Variants in ALDH1A1 observed in about 807,000 individuals in gnomAD.
ALDH1A1 encodes the protein aldehyde dehydrogenase 1 family member A1.
ALDH1A1 carries 19 observed loss-of-function variants against 62.1 expected under a neutral mutation model. That is an observed-to-expected ratio of 0.31 (90% CI 0.21 to 0.45). The LOEUF is 0.45. Ranked by LOEUF, ALDH1A1 falls within the 20% of genes least tolerant of loss-of-function variation. The pLI, the probability that ALDH1A1 is intolerant of heterozygous loss-of-function variation, is 1.00. For missense variants in ALDH1A1, 521 were observed against 607.1 expected, an observed-to-expected ratio of 0.86 and a Z score of 1.49; for synonymous variants, 231 against 215.9, an observed-to-expected ratio of 1.07 and a Z score of -0.61.
At chr9:72,933,632 A>AC (rs386415097) in intron 2 of ALDH1A1, among the ~76,000 whole-genome samples, 33 of 878 alleles carry the variant, frequency 0.038, no homozygotes, top group South Asian at 0.5. Flanking sequence ...AAGACAAAAG[A>AC]AAAAAGAAAT....
At chr9:72,921,244 A>G (rs1287394117) in intron 7 of ALDH1A1, among the ~76,000 whole-genome samples, 2 of 150,984 alleles carry the variant, frequency 1.3e-5, no homozygotes, top group Admixed American at 6.6e-5. Flanking sequence ...TCCTCTCAAA[A>G]AAAAAAAAAA....
At chr9:72,914,340 T>G (rs568452839) in intron 9 of ALDH1A1, among the ~76,000 whole-genome samples, 1 of 152,318 alleles carries the variant, frequency 6.6e-6, no homozygotes, top group Non-Finnish European at 1.5e-5. Context: ...AATTTTTATT[T>G]ATTTACTAGA....
chr9:72,944,727 A>G (rs959707042), intron 1 of ALDH1A1, among the ~76,000 whole-genome samples: 4 of 152,112 alleles, frequency 2.6e-5, no homozygotes, highest in Non-Finnish European at 4.4e-5. Context: ...AAAAGAGATG[A>G]TACTATAAAA....
chr9:72,914,431 T>C (rs1369958371), intron 9 of ALDH1A1, among the ~76,000 whole-genome samples: 1 of 152,158 alleles, frequency 6.6e-6, no homozygotes, highest in Non-Finnish European at 1.5e-5. Context: ...TTCTTCAAGA[T>C]TGAGGTTTCT....
chr9:72,908,154 T>G (rs1194587052), intron 11 of ALDH1A1, among the ~76,000 whole-genome samples: 1 of 151,776 alleles, frequency 6.6e-6, no homozygotes, highest in Non-Finnish European at 1.5e-5. Flanking sequence ...GCATGGTGGC[T>G]CAGGCCTGTA....
At chr9:72,920,026 C>T (rs1830118776) in intron 7 of ALDH1A1, among the ~76,000 whole-genome samples, 1 of 151,918 alleles carries the variant, frequency 6.6e-6, no homozygotes, top group African/African-American at 2.4e-5. Flanking sequence ...CTTTGCCTTT[C>T]TTTTTTAAAG....
At chr9:72,921,956 T>A (rs1186734322) in intron 7 of ALDH1A1, among the ~76,000 whole-genome samples, 1 of 151,748 alleles carries the variant, frequency 6.6e-6, no homozygotes, top group Non-Finnish European at 1.5e-5. Context: ...TGGGAGCAAG[T>A]TTAGAGTAGG....
intron 11 of ALDH1A1, among the ~76,000 whole-genome samples, chr9:72,908,535 G>GA (rs1372697504): frequency 1.3e-4 from 14 of 110,842 alleles, no homozygotes; most frequent in South Asian, 2.9e-4. Flanking sequence ...AAGAAAGAAA[G>GA]AAAGAAAGAA....
chr9:72,921,018 C>T (rs7470175), intron 7 of ALDH1A1, among the ~76,000 whole-genome samples: 1,922 of 152,196 alleles, frequency 0.013, 44 homozygotes, highest in African/African-American at 0.044. Context: ...GAGGCTGAGG[C>T]GGGCAGATCA....
chr9:72,938,441 C>G (rs1830372383), intron 2 of ALDH1A1, among the ~76,000 whole-genome samples: 1 of 151,932 alleles, frequency 6.6e-6, no homozygotes. Context: ...ATTATGCTAT[C>G]TAATTTTTTA....
intron 6 of ALDH1A1, among the ~76,000 whole-genome samples, chr9:72,924,420 A>G (rs985100928): frequency 6.6e-6 from 1 of 152,216 alleles, no homozygotes; most frequent in Non-Finnish European, 1.5e-5. Flanking sequence ...TGCTAACTCA[A>G]AAAGATTGTA....
Position 72,940,136 on chromosome 9 carries a change from T to C in ALDH1A1, c.171+12A>G. ...ACCTGGCATAAAATGAAACTAGTGT[T>C]CAGAAACTCACCTTATCTCCTTCTT... On this transcript the variant is annotated intron_variant, in intron 2 of 12. Transcript: ENST00000297785. The C allele has an allele frequency of 6.3e-7, 1 of 1,596,146 alleles. No individual in the cohort carries two copies. The highest frequency in any genetic ancestry group is 8.6e-7 in the Non-Finnish European group (1 of 1,164,054).
chr9:72,951,760 G>GA (rs570283911), intron 1 of ALDH1A1, among the ~76,000 whole-genome samples: 51 of 151,880 alleles, frequency 3.4e-4, no homozygotes, highest in African/African-American at 1.2e-3. Context: ...AAACTAAATG[G>GA]AAAAAATCTT....
chr9:72,947,622 G>C (rs1227985723), intron 1 of ALDH1A1, among the ~76,000 whole-genome samples: 2 of 151,894 alleles, frequency 1.3e-5, no homozygotes, highest in African/African-American at 4.8e-5. Context: ...TTTTTTTCTT[G>C]ATTAGGTTTT....
At chr9:72,912,181 T>A in intron 9 of ALDH1A1, 59 bp from the exon 10 acceptor site, 3 of 1,455,618 alleles carry the variant, frequency 2.1e-6, no homozygotes, top group Non-Finnish European at 2.8e-6. Context: ...GATAACACAT[T>A]GCTGGGCCTG....
intron 2 of ALDH1A1, among the ~76,000 whole-genome samples, chr9:72,935,471 T>C (rs1336804479): frequency 6.6e-6 from 1 of 152,212 alleles, no homozygotes; most frequent in East Asian, 1.9e-4. Flanking sequence ...AGATGGTACA[T>C]TTCCATATTA....
chr9:72,902,201 A>G (rs535701156), intron 12 of ALDH1A1, among the ~76,000 whole-genome samples: 10 of 151,972 alleles, frequency 6.6e-5, no homozygotes, highest in Non-Finnish European at 1.2e-4. Flanking sequence ...AGTTTTAGAA[A>G]CTGACTGATT....
rs1285511193 is a variant in ALDH1A1, at chr9:72,940,155, CCTT to C, written c.161_163del (p.Glu54del). 1.2e-6 allele frequency: 2 copies of C among 1,611,680 alleles called. No individual in the cohort carries two copies. ...TAGTGTTCAGAAACTCACCTTATCT[CCTT>C]CTTCTACCTGGCAGAGCTCCTCCTC... On this transcript the variant is annotated inframe_deletion, in exon 2 of 13. Coordinates refer to ENST00000297785, the MANE Select transcript of ALDH1A1 (RefSeq NM_000689.5).
chr9:72,908,457 A>AG lies in ALDH1A1; in HGVS notation c.1358+1144_1358+1145insC, dbSNP rs1215774005. On this transcript the variant is annotated intron_variant, in intron 11 of 12. Coordinates refer to ENST00000297785, the MANE Select transcript of ALDH1A1 (RefSeq NM_000689.5). ...CTCAAAAAAAAAAAAAAAAAAAAAA[A>AG]AAAGAAGAAAGAAAAGAAAAGAGAG... Among the ~76,000 whole-genome samples, 984 of 131,732 alleles carry AG rather than the reference A, an allele frequency of 7.5e-3. 225 individuals are homozygous for AG. The highest frequency in any genetic ancestry group is 0.013 in the Admixed American group (162 of 12,182). The allele number at this position is 131,732 out of a possible 152,430, so 86.4% of individuals were successfully genotyped here.
Sources: allele counts gnomAD v4.1 joint callset (sites outside exome capture counted in the v4.1 genomes callset), GRCh38; gene constraint gnomAD v4.1.1; transcripts MANE v1.5; gene names NCBI Gene and HGNC (gene_info 2026-07-23, HGNC 2026-07-21).